NEGR1: variants seen among roughly 807,000 people sequenced by gnomAD.
The protein encoded by NEGR1 is IgLON family member 4.
In NEGR1, 10 loss-of-function variants were observed where a neutral mutation model predicts 40.9. The observed-to-expected ratio is 0.24, with a 90% CI of 0.15 to 0.42. NEGR1 has a LOEUF of 0.42. NEGR1 is among the 10% of genes least tolerant of loss of function. NEGR1 has a pLI of 1.00. For synonymous variants in NEGR1, 185 were observed against 166.8 expected, an observed-to-expected ratio of 1.11 and a Z score of -0.84; for missense variants, 352 against 438.9, an observed-to-expected ratio of 0.80 and a Z score of 1.77.
At chr1:71,791,671 T>C (rs1230470647) in intron 2 of NEGR1, among the ~76,000 whole-genome samples, 1 of 152,034 alleles carries the variant, frequency 6.6e-6, no homozygotes, top group Non-Finnish European at 1.5e-5. Context: ...CCTTAAAAAG[T>C]CTAGAATGTA....
At chr1:71,825,853 C>A (rs891888444) in intron 2 of NEGR1, among the ~76,000 whole-genome samples, 121 of 151,946 alleles carry the variant, frequency 8.0e-4, no homozygotes, top group African/African-American at 2.8e-3. Context: ...CAAGTTAGAA[C>A]GTCTAATTTT....
chr1:72,036,815 C>T (rs576639373), intron 1 of NEGR1, among the ~76,000 whole-genome samples: 1 of 151,806 alleles, frequency 6.6e-6, no homozygotes, highest in African/African-American at 2.4e-5. Context: ...TGTAAATAGG[C>T]CAAAATAACT....
chr1:72,084,348 C>CATT (rs1648126939), intron 1 of NEGR1, among the ~76,000 whole-genome samples: 1 of 152,138 alleles, frequency 6.6e-6, no homozygotes, highest in Non-Finnish European at 1.5e-5. Flanking sequence ...GCATGGCTCC[C>CATT]TTCTCAGGGT....
At chr1:72,235,001 G>GA (rs1654501245) in intron 1 of NEGR1, among the ~76,000 whole-genome samples, 1 of 152,034 alleles carries the variant, frequency 6.6e-6, no homozygotes. Context: ...AATTAGCAAA[G>GA]ACATGGAATT....
chr1:72,261,532 C>T (rs967854177), intron 1 of NEGR1, among the ~76,000 whole-genome samples: 2 of 152,022 alleles, frequency 1.3e-5, no homozygotes, highest in Non-Finnish European at 1.5e-5. Flanking sequence ...TACTGAAAGG[C>T]CTTGTAATTA....
At chr1:71,932,110 G>GA (rs1273419009) in intron 2 of NEGR1, among the ~76,000 whole-genome samples, 2 of 151,914 alleles carry the variant, frequency 1.3e-5, no homozygotes, top group African/African-American at 4.8e-5. Flanking sequence ...ATTGGATAAA[G>GA]AAAAAATATA....
intron 1 of NEGR1, among the ~76,000 whole-genome samples, chr1:72,217,064 T>G (rs28544516): frequency 0.013 from 1,967 of 151,876 alleles, 44 homozygotes; most frequent in African/African-American, 0.045. Context: ...ATTATATTAG[T>G]ATCCAGATTA....
intron 2 of NEGR1, among the ~76,000 whole-genome samples, chr1:71,879,037 G>A (rs749293397): frequency 5.9e-5 from 9 of 151,954 alleles, no homozygotes; most frequent in Non-Finnish European, 1.3e-4. Context: ...GAAGGCTGAG[G>A]CAGGAGAATC....
At chr1:72,218,122 A>G (rs181695230) in intron 1 of NEGR1, among the ~76,000 whole-genome samples, 9 of 151,740 alleles carry the variant, frequency 5.9e-5, no homozygotes, top group African/African-American at 2.2e-4. Flanking sequence ...CCTTTAAAAT[A>G]AAAAGGGAAA....
At chr1:71,613,521 C>A (rs535298888) in intron 4 of NEGR1, among the ~76,000 whole-genome samples, 1 of 151,876 alleles carries the variant, frequency 6.6e-6, no homozygotes, top group African/African-American at 2.4e-5. Flanking sequence ...GTGGTGGGCA[C>A]CTGTAATCCC....
At chr1:72,261,849 T>G (rs932414385) in intron 1 of NEGR1, among the ~76,000 whole-genome samples, 4 of 151,984 alleles carry the variant, frequency 2.6e-5, no homozygotes, top group Non-Finnish European at 5.9e-5. Context: ...TGATAGACAT[T>G]GGAGATCCCA....
rs532473613 is a variant in NEGR1 at position 72,252,753 on chromosome 1, T to A, written c.176+29566A>T. Among the ~76,000 whole-genome samples, 19 of 152,322 alleles carry A rather than the reference T, an allele frequency of 1.2e-4. No individual in the cohort carries two copies. The East Asian group carries it at 3.3e-3, about 26-fold the overall frequency. ...GGCATTCCAAATTCATTAGGACCCA[T>A]GTCCATTTGGGGGTACAGACTCTCT... On this transcript the variant is annotated intron_variant, in intron 1 of 6. Transcript: ENST00000357731.
chr1:72,005,987 G>C (rs981411263), intron 1 of NEGR1, among the ~76,000 whole-genome samples: 2 of 152,022 alleles, frequency 1.3e-5, no homozygotes, highest in African/African-American at 2.4e-5. Flanking sequence ...TCACCAAAAA[G>C]TAACAAAGGC....
intron 3 of NEGR1, among the ~76,000 whole-genome samples, chr1:71,768,071 A>G (rs1022309670): frequency 1.3e-5 from 2 of 152,192 alleles, no homozygotes; most frequent in Non-Finnish European, 2.9e-5. Context: ...CAGGGGTGGA[A>G]CCTTCATGAA....
intron 1 of NEGR1, among the ~76,000 whole-genome samples, chr1:72,210,574 A>G (rs568788740): frequency 6.6e-6 from 1 of 151,998 alleles, no homozygotes; most frequent in South Asian, 2.1e-4. Context: ...AGACTTCATG[A>G]CAATTTTTGT....
At chr1:72,105,730 C>T (rs891945547) in intron 1 of NEGR1, among the ~76,000 whole-genome samples, 1 of 151,620 alleles carries the variant, frequency 6.6e-6, no homozygotes, top group African/African-American at 2.4e-5. Context: ...TGCTGACAGA[C>T]GAGCATCAAA....
chr1:72,071,523 T>C (rs1403305629), intron 1 of NEGR1, among the ~76,000 whole-genome samples: 2 of 152,074 alleles, frequency 1.3e-5, no homozygotes, highest in African/African-American at 4.8e-5. Flanking sequence ...AAAAATTTAG[T>C]TGTTGTTTTG....
chr1:71,616,837 C>T (rs772965919), intron 4 of NEGR1, among the ~76,000 whole-genome samples: 1 of 152,124 alleles, frequency 6.6e-6, no homozygotes, highest in Non-Finnish European at 1.5e-5. Flanking sequence ...AAAGACCCAA[C>T]AACTCTAAGA....
chr1:71,436,263 A>G (rs1403119357), intron 6 of NEGR1, among the ~76,000 whole-genome samples: 1 of 151,838 alleles, frequency 6.6e-6, no homozygotes, highest in African/African-American at 2.4e-5. Flanking sequence ...GAAGGGTTTC[A>G]ATACAAAGAT....
Sources: gnomAD v4.1 joint callset for allele counts (sites outside exome capture counted in the v4.1 genomes callset) on GRCh38, gnomAD v4.1.1 for gene constraint, MANE v1.5 for transcripts, NCBI Gene and HGNC (gene_info 2026-07-23, HGNC 2026-07-21) for gene names.